KCNH8: variants seen among roughly 807,000 people sequenced by gnomAD.
The protein encoded by KCNH8 is voltage-gated delayed rectifier potassium channel KCNH8.
A neutral mutation model predicts 103.6 loss-of-function variants in KCNH8; 70 were observed. The ratio of observed to expected loss-of-function variants is 0.68; its 90% CI spans 0.56 to 0.82. The LOEUF (loss-of-function observed/expected upper bound fraction) is 0.82, where lower values mean the gene tolerates loss of function less well. KCNH8 is among the 40% of genes least tolerant of loss of function. The pLI, the probability that KCNH8 is intolerant of heterozygous loss-of-function variation, is 0.00. For missense variants in KCNH8, 1,217 were observed against 1,329.9 expected (o/e 0.92, Z 1.32); for synonymous variants, 498 against 489.4 (o/e 1.02, Z -0.23).
chr3:19,422,643 G>C (rs1385592654), intron 7 of KCNH8, among the ~76,000 whole-genome samples: 1 of 152,066 alleles, frequency 6.6e-6, no homozygotes, highest in Non-Finnish European at 1.5e-5. Context: ...TAGCTATTCT[G>C]TGGTATTTAC....
At chr3:19,200,587 A>T (rs912592010) in intron 1 of KCNH8, among the ~76,000 whole-genome samples, 1 of 151,144 alleles carries the variant, frequency 6.6e-6, no homozygotes, top group African/African-American at 2.4e-5. Flanking sequence ...ATGGTTTTCA[A>T]TTTTACCTAT....
intron 1 of KCNH8, among the ~76,000 whole-genome samples, chr3:19,240,083 A>T (rs1175858465): frequency 6.6e-6 from 1 of 152,146 alleles, no homozygotes; most frequent in Non-Finnish European, 1.5e-5. Context: ...GCGTGGAAAC[A>T]TTGTGATTAG....
At chr3:19,358,268 T>C (rs2065906733) in intron 5 of KCNH8, among the ~76,000 whole-genome samples, 1 of 148,340 alleles carries the variant, frequency 6.7e-6, no homozygotes, top group Non-Finnish European at 1.5e-5. Context: ...TCTCTTTTTT[T>C]CCTTCTTCTC....
chr3:19,462,033 G>T (rs183383487), intron 11 of KCNH8, among the ~76,000 whole-genome samples: 5 of 152,230 alleles, frequency 3.3e-5, no homozygotes, highest in African/African-American at 1.2e-4. Context: ...TCTTAATCCA[G>T]TCTATCATTG....
chr3:19,419,194 GGTTTTT>G (rs2066909064), intron 7 of KCNH8, among the ~76,000 whole-genome samples: 10 of 64,110 alleles, frequency 1.6e-4, no homozygotes, highest in East Asian at 9.8e-4. Flanking sequence ...AAATGGTTTT[GGTTTTT>G]TTTTTTTTTT....
At chr3:19,484,720 T>A (rs1208976924) in intron 11 of KCNH8, among the ~76,000 whole-genome samples, 1 of 152,154 alleles carries the variant, frequency 6.6e-6, no homozygotes, top group African/African-American at 2.4e-5. Flanking sequence ...CAGTCCTTGA[T>A]CCACACGCGA....
intron 1 of KCNH8, among the ~76,000 whole-genome samples, chr3:19,200,714 C>G (rs1056454992): frequency 2.6e-5 from 4 of 152,010 alleles, no homozygotes; most frequent in African/African-American, 4.8e-5. Context: ...GCAATGGTAG[C>G]TTTGACCTAT....
intron 11 of KCNH8, among the ~76,000 whole-genome samples, chr3:19,472,195 CGTGT>C (rs57766729): frequency 0.081 from 11,138 of 137,210 alleles, 456 homozygotes; most frequent in East Asian, 0.14. Flanking sequence ...TCACTTCATT[CGTGT>C]GTGTGTGTGT....
chr3:19,330,857 T>C (rs1042752807), intron 3 of KCNH8, among the ~76,000 whole-genome samples: 1 of 152,196 alleles, frequency 6.6e-6, no homozygotes, highest in Non-Finnish European at 1.5e-5. Flanking sequence ...TAATCATGTA[T>C]TGTGATATGC....
chr3:19,413,173 GGAATATCACATAGCCAAAA>G (rs1160578105), intron 7 of KCNH8, among the ~76,000 whole-genome samples: 21 of 150,656 alleles, frequency 1.4e-4, no homozygotes, highest in African/African-American at 3.7e-4. Context: ...TAAGCACCAT[GGAATATCACATAGCCAAAA>G]AGAAAAAAAA....
chr3:19,324,837 T>C (rs979223554), intron 3 of KCNH8, among the ~76,000 whole-genome samples: 16 of 152,104 alleles, frequency 1.1e-4, no homozygotes, highest in African/African-American at 3.9e-4. Context: ...AAAAAAAATG[T>C]TTTAAAATTC....
intron 15 of KCNH8, among the ~76,000 whole-genome samples, chr3:19,528,233 G>GCAAT: frequency 6.6e-6 from 1 of 152,158 alleles, no homozygotes; most frequent in Non-Finnish European, 1.5e-5. Flanking sequence ...ATCCAGAGAA[G>GCAAT]CAATCAGGGA....
chr3:19,190,565 G>A (rs1225905148), intron 1 of KCNH8, among the ~76,000 whole-genome samples: 1 of 151,950 alleles, frequency 6.6e-6, no homozygotes, highest in Non-Finnish European at 1.5e-5. Flanking sequence ...TATTTTTCCT[G>A]TAGTAGCTTT....
chr3:19,237,364 A>G (rs964924844), intron 1 of KCNH8, among the ~76,000 whole-genome samples: 10 of 152,336 alleles, frequency 6.6e-5, no homozygotes, highest in Middle Eastern at 6.8e-3. Flanking sequence ...GCTGGATTTC[A>G]GTCCTCATAG....
intron 11 of KCNH8, among the ~76,000 whole-genome samples, chr3:19,502,702 G>C (rs1281545321): frequency 6.9e-6 from 1 of 145,726 alleles, no homozygotes; most frequent in East Asian, 2.1e-4. Flanking sequence ...AATAAATGGT[G>C]CTGGGAAAAC....
intron 9 of KCNH8, chr3:19,450,557 C>T (rs2067431854): frequency 2.1e-6 from 1 of 473,504 alleles, no homozygotes; most frequent in South Asian, 2.2e-5. Flanking sequence ...TATTTTCCTT[C>T]TTATTGTCTC....
At chr3:19,287,829 C>A (rs1043799793) in intron 3 of KCNH8, among the ~76,000 whole-genome samples, 7 of 151,228 alleles carry the variant, frequency 4.6e-5, no homozygotes, top group African/African-American at 1.7e-4. Context: ...CGTGATCCAC[C>A]TGCCTCGGCC....
At chr3:19,396,918 T>C (rs1387383318) in intron 7 of KCNH8, among the ~76,000 whole-genome samples, 2 of 151,932 alleles carry the variant, frequency 1.3e-5, no homozygotes, top group African/African-American at 2.4e-5. Flanking sequence ...CTGACCTAAT[T>C]TTCCTCAGGC....
intron 5 of KCNH8, among the ~76,000 whole-genome samples, chr3:19,365,409 A>C (rs906692840): frequency 6.6e-6 from 1 of 152,076 alleles, no homozygotes; most frequent in Non-Finnish European, 1.5e-5. Context: ...ATTTTAATAT[A>C]ATTATTTCTC....
Sources: gnomAD v4.1 joint callset for allele counts (sites outside exome capture counted in the v4.1 genomes callset) on GRCh38, gnomAD v4.1.1 for gene constraint, MANE v1.5 for transcripts, NCBI Gene and HGNC (gene_info 2026-07-23, HGNC 2026-07-21) for gene names.